Variants in SYNE1 observed in about 807,000 individuals in gnomAD.
SYNE1 encodes nesprin-1.
Under a neutral mutation model 1,111.0 loss-of-function variants are expected in SYNE1, and 616 were observed. The observed-to-expected ratio is 0.55, with a 90% CI of 0.52 to 0.59. The LOEUF (loss-of-function observed/expected upper bound fraction) is 0.59, where lower values mean the gene tolerates loss of function less well. Among genes scored for constraint, SYNE1 ranks in the 20% least tolerant of loss-of-function variants. SYNE1 has a pLI of 0.00. For synonymous variants in SYNE1, 3,855 were observed against 3,825.8 expected, an observed-to-expected ratio of 1.01 and a Z score of -0.28; for missense variants, 10,006 against 10,417.0, an observed-to-expected ratio of 0.96 and a Z score of 1.72.
intron 129 of SYNE1, among the ~76,000 whole-genome samples, chr6:152,177,301 C>G (rs2247922): frequency 0.17 from 25,459 of 152,040 alleles, 3,564 homozygotes; most frequent in African/African-American, 0.37. Flanking sequence ...TGTGATTTAA[C>G]TGACGATGAA....
At chr6:152,264,625 T>G (rs1016216514) in intron 100 of SYNE1, among the ~76,000 whole-genome samples, 1 of 151,522 alleles carries the variant, frequency 6.6e-6, no homozygotes, top group Admixed American at 6.6e-5. Context: ...AGCCAGACCC[T>G]GTCTCTACAA....
intron 36 of SYNE1, among the ~76,000 whole-genome samples, chr6:152,429,086 G>GTAA (rs3046242): frequency 0.36 from 51,767 of 144,460 alleles, 9,266 homozygotes; most frequent in Middle Eastern, 0.52. Context: ...TATCTCAATA[G>GTAA]TAATAATAAT....
At chr6:152,257,428 G>GT (rs1046975038) in intron 101 of SYNE1, among the ~76,000 whole-genome samples, 28 of 152,158 alleles carry the variant, frequency 1.8e-4, no homozygotes, top group African/African-American at 6.3e-4. Flanking sequence ...AGCAATTCAG[G>GT]TGACTGAGGC....
intron 3 of SYNE1, among the ~76,000 whole-genome samples, chr6:152,556,136 C>G (rs2099364295): frequency 6.6e-6 from 1 of 152,146 alleles, no homozygotes; most frequent in Non-Finnish European, 1.5e-5. Flanking sequence ...TGCTCATTTC[C>G]TCACAGAGAC....
chr6:152,331,552 T>G lies in SYNE1; in HGVS notation c.13133A>C (p.Asp4378Ala). The G allele has an allele frequency of 6.2e-7, 1 of 1,614,148 alleles. No homozygotes were observed. The highest frequency in any genetic ancestry group is 2.2e-5 in the East Asian group (1 of 44,880). ...ATCCATGAGAAGGTTCTGAGCCATATCTGGAGGAGGGCTCTGCTTAAGGGC... is the reference window on the plus strand; with the variant it reads ...ATCCATGAGAAGGTTCTGAGCCATAGCTGGAGGAGGGCTCTGCTTAAGGGC... ...AEALKQSPPPDMAQNLLMDHL... is the reference protein window; with the variant it reads ...AEALKQSPPPAMAQNLLMDHL... Residue 4378 changes from aspartate to alanine, a missense_variant, in exon 78 of 146, where the codon GAT becomes GCT. Transcript: ENST00000367255.
chr6:152,412,376 A>T (rs1425632846), intron 42 of SYNE1, among the ~76,000 whole-genome samples: 1 of 151,636 alleles, frequency 6.6e-6, no homozygotes, highest in East Asian at 1.9e-4. Context: ...GCGAGCAGAG[A>T]TAGCGCCACC....
intron 74 of SYNE1, among the ~76,000 whole-genome samples, chr6:152,342,877 A>G (rs1563209150): frequency 6.6e-6 from 1 of 152,212 alleles, no homozygotes; most frequent in Non-Finnish European, 1.5e-5. Flanking sequence ...TTCATCATCC[A>G]TTCAATAATT....
At position 152,156,137 on chromosome 6, in the gene SYNE1, G is replaced by A. The variant is rs1390038207; in HGVS notation, c.23791-40C>T. 6 of 1,609,652 alleles carry A rather than the reference G, an allele frequency of 3.7e-6. No homozygotes were observed. In the South Asian group the frequency reaches 5.5e-5, roughly 15 times the overall value. ...AACAGGCTTTATTCAACAATTACAT[G>A]TATACAGATGAGAGAAACTGAAGCA... On this transcript the variant is annotated intron_variant, in intron 131 of 145. Coordinates refer to ENST00000367255, the MANE Select transcript of SYNE1 (RefSeq NM_182961.4).
chr6:152,205,134 C>T (rs758648292), intron 126 of SYNE1, among the ~76,000 whole-genome samples: 1 of 150,938 alleles, frequency 6.6e-6, no homozygotes, highest in Non-Finnish European at 1.5e-5. Flanking sequence ...GGTATGTATG[C>T]ACACTTTAAG....
intron 107 of SYNE1, 120 bp from the exon 108 acceptor site, chr6:152,239,826 A>T: frequency 9.6e-7 from 1 of 1,041,160 alleles, no homozygotes; most frequent in East Asian, 2.5e-5. Context: ...GGGGAGGCTG[A>T]AGTGGGTGGA....
intron 28 of SYNE1, among the ~76,000 whole-genome samples, chr6:152,448,387 C>T (rs2098611847): frequency 6.6e-6 from 1 of 152,182 alleles, no homozygotes; most frequent in Non-Finnish European, 1.5e-5. Context: ...TGCACACCAG[C>T]CAGGAAACTG....
At chr6:152,523,151 C>A (rs1055774816) in intron 5 of SYNE1, among the ~76,000 whole-genome samples, 2 of 151,716 alleles carry the variant, frequency 1.3e-5, no homozygotes, top group Non-Finnish European at 2.9e-5. Context: ...AGATTTTCTT[C>A]TAGTTTTTTT....
chr6:152,603,582 C>A (rs1269327589), intron 3 of SYNE1, among the ~76,000 whole-genome samples: 1 of 151,760 alleles, frequency 6.6e-6, no homozygotes, highest in Non-Finnish European at 1.5e-5. Flanking sequence ...GGTAGTTTGG[C>A]TGCATTTGAA....
chr6:152,313,774 G>A (rs112750594), intron 87 of SYNE1, among the ~76,000 whole-genome samples: 2 of 152,046 alleles, frequency 1.3e-5, no homozygotes, highest in Non-Finnish European at 2.9e-5. Flanking sequence ...ATAAACACAG[G>A]CTGCTTTACT....
At chr6:152,528,093 C>A (rs1365555742) in intron 4 of SYNE1, among the ~76,000 whole-genome samples, 1 of 152,184 alleles carries the variant, frequency 6.6e-6, no homozygotes, top group African/African-American at 2.4e-5. Context: ...ACTCTGTGAC[C>A]AGACTGCCTA....
chr6:152,326,379 GTCT>G lies in SYNE1; in HGVS notation c.15207_15209del (p.Glu5069del). The G allele has an allele frequency of 6.2e-7, 1 of 1,614,172 alleles. No individual in the cohort carries two copies. The highest frequency in any genetic ancestry group is 8.5e-7 in the Non-Finnish European group (1 of 1,180,038). On this transcript the variant is annotated inframe_deletion, in exon 79 of 146. Transcript: ENST00000367255. ...CCAGAGAAGCCACTTTCTGTTCTAGGTCTTCTTTGCCGGTTGGCTTGATGAGTG... is the reference window on the plus strand; with the variant it reads ...CCAGAGAAGCCACTTTCTGTTCTAGGTCTTTGCCGGTTGGCTTGATGAGTG...
intron 101 of SYNE1, among the ~76,000 whole-genome samples, chr6:152,260,598 C>T (rs1402849811): frequency 1.3e-5 from 2 of 151,608 alleles, no homozygotes; most frequent in Admixed American, 6.6e-5. Context: ...GAATAGAAAG[C>T]GTGGCTCTGG....
intron 140 of SYNE1, among the ~76,000 whole-genome samples, chr6:152,139,222 T>C (rs1176259626): frequency 3.3e-5 from 5 of 152,144 alleles, no homozygotes; most frequent in Non-Finnish European, 7.4e-5. Flanking sequence ...AAATCGTGTG[T>C]GCTTATTTAC....
chr6:152,177,144 CAAT>C (rs1250408890), intron 129 of SYNE1, among the ~76,000 whole-genome samples: 1 of 152,078 alleles, frequency 6.6e-6, no homozygotes, highest in African/African-American at 2.4e-5. Context: ...AATTAACTTT[CAAT>C]AATAATAACT....
Sources: gnomAD v4.1 joint callset for allele counts (sites outside exome capture counted in the v4.1 genomes callset) on GRCh38, gnomAD v4.1.1 for gene constraint, MANE v1.5 for transcripts, NCBI Gene and HGNC (gene_info 2026-07-23, HGNC 2026-07-21) for gene names.